LIN52: variants seen among roughly 807,000 people sequenced by gnomAD.
LIN52 encodes lin-52 DREAM MuvB core complex component, also known as protein lin-52 homolog.
LIN52 carries 4 observed loss-of-function variants against 18.5 expected under a neutral mutation model. That is an observed-to-expected ratio of 0.22 (90% CI 0.11 to 0.49). The LOEUF (loss-of-function observed/expected upper bound fraction) is 0.49, where lower values mean the gene tolerates loss of function less well. LIN52 is among the 20% of genes least tolerant of loss of function. The pLI is 0.97. For synonymous variants in LIN52, 34 were observed against 45.5 expected (o/e 0.75, Z 1.02); for missense variants, 102 against 139.5 (o/e 0.73, Z 1.35).
chr14:74,130,524 C>T (rs77910787), intron 5 of LIN52, among the ~76,000 whole-genome samples: 25,838 of 150,154 alleles, frequency 0.17, 2,730 homozygotes, highest in East Asian at 0.58. Context: ...GTGATCTGCC[C>T]GCCTTGGCCT....
intron 5 of LIN52, among the ~76,000 whole-genome samples, chr14:74,139,435 G>A (rs1020844268): frequency 6.6e-6 from 1 of 152,182 alleles, no homozygotes; most frequent in African/African-American, 2.4e-5. Flanking sequence ...TGCATGTATG[G>A]ACTTAGTGAT....
chr14:74,115,918 G>A (rs2060961624), intron 5 of LIN52, among the ~76,000 whole-genome samples: 1 of 152,208 alleles, frequency 6.6e-6, no homozygotes. Flanking sequence ...TTTTGTAGGG[G>A]AAGGGGGTTG....
At chr14:74,100,106 G>T (rs548808655) in intron 4 of LIN52, among the ~76,000 whole-genome samples, 1 of 152,260 alleles carries the variant, frequency 6.6e-6, no homozygotes, top group Non-Finnish European at 1.5e-5. Flanking sequence ...TAAGTGTTTT[G>T]TTGCCACTTT....
chr14:74,127,214 A>C (rs2061034182), intron 5 of LIN52, among the ~76,000 whole-genome samples: 1 of 152,248 alleles, frequency 6.6e-6, no homozygotes, highest in Admixed American at 6.5e-5. Context: ...CTAGTAGATA[A>C]GGCCTTACAC....
chr14:74,183,017 A>C (rs1020391512), intron 5 of LIN52, among the ~76,000 whole-genome samples: 1 of 151,964 alleles, frequency 6.6e-6, no homozygotes, highest in African/African-American at 2.4e-5. Flanking sequence ...TCTTGGTTGT[A>C]TGTAATTTGT....
chr14:74,192,621 T>C, intron 5 of LIN52: 1 of 230,428 alleles, frequency 4.3e-6, no homozygotes, highest in South Asian at 5.6e-5. Context: ...GGTGGAGGGG[T>C]AGGATAGTTC....
chr14:74,114,309 T>A, intron 5 of LIN52: 15 of 985,290 alleles, frequency 1.5e-5, no homozygotes, highest in Non-Finnish European at 1.8e-5. Context: ...ATAGGAAAGA[T>A]ACACACCTTT....
intron 5 of LIN52, among the ~76,000 whole-genome samples, chr14:74,162,971 A>T (rs889715131): frequency 5.3e-5 from 8 of 152,330 alleles, no homozygotes; most frequent in Admixed American, 2.0e-4. Flanking sequence ...TGCATGTTGA[A>T]TAGATGGAAT....
At chr14:74,172,856 T>C (rs948940204) in intron 5 of LIN52, among the ~76,000 whole-genome samples, 4 of 152,214 alleles carry the variant, frequency 2.6e-5, no homozygotes, top group Non-Finnish European at 5.9e-5. Context: ...TGAGAAATTA[T>C]GCCATCAGAA....
At chr14:74,104,144 G>A (rs1410678645) in intron 5 of LIN52, among the ~76,000 whole-genome samples, 4 of 151,902 alleles carry the variant, frequency 2.6e-5, no homozygotes, top group Non-Finnish European at 5.9e-5. Flanking sequence ...TGATCCACCT[G>A]CCTCAGCATC....
intron 5 of LIN52, among the ~76,000 whole-genome samples, chr14:74,117,676 A>T (rs1303913225): frequency 6.6e-6 from 1 of 152,198 alleles, no homozygotes; most frequent in Non-Finnish European, 1.5e-5. Flanking sequence ...TAGAAATTTC[A>T]ACAAAATAAG....
At chr14:74,182,065 C>T (rs2061320528) in intron 5 of LIN52, among the ~76,000 whole-genome samples, 1 of 152,186 alleles carries the variant, frequency 6.6e-6, no homozygotes. Flanking sequence ...GGTTAGAGTG[C>T]TGTGGCGCAA....
chr14:74,185,524 C>T lies in LIN52; in HGVS notation c.284-13398C>T, dbSNP rs984670448. Reference sequence around the variant, plus strand: ...GAGACGGGGTTTCACCATGTTAGCCCGGATGGTCTCAATCTCCTGACCTCG... The same window carrying T: ...GAGACGGGGTTTCACCATGTTAGCCTGGATGGTCTCAATCTCCTGACCTCG... On this transcript the variant is annotated intron_variant, in intron 5 of 5. Transcript: ENST00000555028. Among the ~76,000 whole-genome samples, 8 of 151,618 alleles carry T rather than the reference C, an allele frequency of 5.3e-5. No homozygotes were observed. The East Asian group carries it at 1.6e-3, about 29-fold the overall frequency.
intron 5 of LIN52, among the ~76,000 whole-genome samples, chr14:74,151,652 G>T (rs561245355): frequency 1.3e-4 from 20 of 152,246 alleles, no homozygotes; most frequent in African/African-American, 4.3e-4. Context: ...CCATATGGGG[G>T]TTTTAATTTT....
chr14:74,116,431 C>T (rs2060965113), intron 5 of LIN52, among the ~76,000 whole-genome samples: 1 of 151,960 alleles, frequency 6.6e-6, no homozygotes, highest in Admixed American at 6.6e-5. Flanking sequence ...AGGGGCTGGC[C>T]ACTGTGGCTT....
At chr14:74,132,648 A>G (rs4899497) in intron 5 of LIN52, among the ~76,000 whole-genome samples, 34,163 of 152,092 alleles carry the variant, frequency 0.22, 4,167 homozygotes, top group South Asian at 0.46. Flanking sequence ...AGCTAGGACT[A>G]CAGGCATGCG....
At chr14:74,196,848 G>A (rs60209395) in intron 5 of LIN52, among the ~76,000 whole-genome samples, 2,093 of 152,226 alleles carry the variant, frequency 0.014, 45 homozygotes, top group African/African-American at 0.048. Flanking sequence ...CATGCTCTCC[G>A]TTACAAATGA....
chr14:74,119,916 A>G (rs1042553974), intron 5 of LIN52, among the ~76,000 whole-genome samples: 7 of 151,252 alleles, frequency 4.6e-5, no homozygotes, highest in Non-Finnish European at 7.4e-5. Context: ...GCTCACTGCA[A>G]TGTCTACCTC....
chr14:74,119,226 A>G (rs1281116813), intron 5 of LIN52, among the ~76,000 whole-genome samples: 2 of 139,458 alleles, frequency 1.4e-5, no homozygotes, highest in Admixed American at 8.0e-5. Context: ...CAGTGGCACC[A>G]TCTTGGCTCA....
Sources: allele counts gnomAD v4.1 joint callset (sites outside exome capture counted in the v4.1 genomes callset), GRCh38; gene constraint gnomAD v4.1.1; transcripts MANE v1.5; gene names NCBI Gene and HGNC (gene_info 2026-07-23, HGNC 2026-07-21).